MYH15: variants seen among roughly 807,000 people sequenced by gnomAD.
MYH15 encodes the protein myosin heavy chain 15, also known as myosin-15.
A neutral mutation model predicts 240.5 loss-of-function variants in MYH15; 227 were observed. That is an observed-to-expected ratio of 0.94 (90% CI 0.85 to 1.05). The LOEUF (loss-of-function observed/expected upper bound fraction) is 1.05, where lower values mean the gene tolerates loss of function less well. MYH15 is among the 50% of genes least tolerant of loss of function. The pLI is 0.00. For synonymous variants in MYH15, 785 were observed against 796.7 expected, an observed-to-expected ratio of 0.99 and a Z score of 0.25; for missense variants, 2,217 against 2,247.5, an observed-to-expected ratio of 0.99 and a Z score of 0.27.
At chr3:108,424,031 G>A (rs2082707153) in intron 27 of MYH15, among the ~76,000 whole-genome samples, 3 of 152,228 alleles carry the variant, frequency 2.0e-5, no homozygotes, top group Admixed American at 6.5e-5. Context: ...ATCCAGGTGT[G>A]AAAAATGGCA....
chr3:108,541,586 C>T, the MYH15 span, among the ~76,000 whole-genome samples: 2 of 151,948 alleles, frequency 1.3e-5, no homozygotes, highest in East Asian at 1.9e-4. Context: ...TTTGTTAACA[C>T]CATAATGGTT....
rs369192345 is a variant in MYH15, at chr3:108,396,945, T to C, written c.5133+1692A>G. ...AGTTCCTTGGGATTATCCTTCACCT[T>C]GAAGGAGTTTTGGTATCTCTGGACC... is the stretch of plus-strand genomic sequence containing the variant. On this transcript the variant is annotated intron_variant, in intron 35 of 40. Transcript: ENST00000693548. Among the ~76,000 whole-genome samples, 9 of 152,334 alleles carry C rather than the reference T, an allele frequency of 5.9e-5. No homozygotes were observed. In the East Asian group the frequency reaches 1.7e-3, roughly 29 times the overall value.
rs532300747 is a variant in MYH15 at position 108,522,881 on chromosome 3, T to A, written c.-58+6382A>T. ...ATAAAAGATGTTAGAATGTATTAGG[T>A]GATACAGGGAGGAAAAGAGGGCATC... On this transcript the variant is annotated intron_variant, in intron 1 of 41. Transcript: ENST00000273353. Among the ~76,000 whole-genome samples, 16 of 152,158 alleles carry A rather than the reference T, an allele frequency of 1.1e-4. 1 individual carries two copies. The highest frequency in any genetic ancestry group is 6.6e-4 in the Admixed American group (10 of 15,254).
Position 108,464,622 on chromosome 3 carries a change from T to C in MYH15, c.1731+16A>G. ...AGTCAGGAAAATTCAAGACCGGGGG[T>C]CCAGAGGTAACTCACCACTCCTGCA... is the stretch of plus-strand genomic sequence containing the variant. On this transcript the variant is annotated intron_variant, in intron 15 of 40. Transcript: ENST00000693548. The C allele has an allele frequency of 1.9e-6, 3 of 1,591,646 alleles. No individual in the cohort carries two copies. Among genetic ancestry groups the C allele is most frequent in the Non-Finnish European group, 2.6e-6 (3 of 1,170,748 alleles).
chr3:108,398,959 A>G, intron 34 of MYH15, 116 bp downstream of exon 34: 2 of 1,457,822 alleles, frequency 1.4e-6, no homozygotes, highest in Non-Finnish European at 1.9e-6. Context: ...TCTCTCTGGA[A>G]AGATTAGATT....
chr3:108,438,523 G>C (rs6799143), intron 24 of MYH15, among the ~76,000 whole-genome samples: 2 of 152,034 alleles, frequency 1.3e-5, no homozygotes, highest in African/African-American at 4.8e-5. Flanking sequence ...AAATTCATAC[G>C]CTGAAATCCT....
intron 38 of MYH15, among the ~76,000 whole-genome samples, chr3:108,387,952 C>T (rs982026310): frequency 4.1e-4 from 63 of 152,386 alleles, no homozygotes; most frequent in Middle Eastern, 6.8e-3. Flanking sequence ...TCTTTAACAA[C>T]TCAGCCTCAG....
Position 108,383,465 on chromosome 3 carries a change from C to G in MYH15, c.5766+130G>C, listed in dbSNP as rs866460200. ...CAAACATGGGAAGATTTTATTGGAA[C>G]CCTTTGTTCTTATCTTTTAAAAGCT... On this transcript the variant is annotated intron_variant, in intron 40 of 40. Coordinates refer to ENST00000693548, the MANE Select transcript of MYH15 (RefSeq NM_014981.3). 6 of 941,270 alleles carry G rather than the reference C, an allele frequency of 6.4e-6. No individual in the cohort carries two copies. The Middle Eastern group carries it at 1.3e-3, about 207-fold the overall frequency. The allele number at this position is 941,270 out of a possible 1,614,324, so 58.3% of individuals were successfully genotyped here.
At chr3:108,526,196 G>A (rs1166381405) in intron 1 of MYH15, among the ~76,000 whole-genome samples, 3 of 152,038 alleles carry the variant, frequency 2.0e-5, no homozygotes, top group Admixed American at 6.6e-5. Flanking sequence ...TCACCATGCA[G>A]CACTTTATTA....
the MYH15 span, among the ~76,000 whole-genome samples, chr3:108,542,401 C>T: frequency 0.019 from 2,914 of 152,122 alleles, 105 homozygotes; most frequent in African/African-American, 0.067. Context: ...TTTTTTGCTC[C>T]GCTCTTTCAT....
At chr3:108,413,612 T>A (rs1484813018) in intron 30 of MYH15, among the ~76,000 whole-genome samples, 2 of 152,184 alleles carry the variant, frequency 1.3e-5, no homozygotes, top group African/African-American at 4.8e-5. Context: ...GAGTCTCAAT[T>A]CAGCTGTGCC....
intron 2 of MYH15, among the ~76,000 whole-genome samples, chr3:108,504,459 G>A (rs1336302419): frequency 2.6e-5 from 4 of 152,104 alleles, no homozygotes; most frequent in Non-Finnish European, 4.4e-5. Context: ...GTTTATGAGT[G>A]GCTTCCAGAA....
chr3:108,452,966 TTAATAA>T (rs1363301243), intron 21 of MYH15, among the ~76,000 whole-genome samples: 1 of 151,996 alleles, frequency 6.6e-6, no homozygotes, highest in Non-Finnish European at 1.5e-5. Context: ...AAATAAGAAA[TTAATAA>T]TAATAATGTT....
intron 14 of MYH15, among the ~76,000 whole-genome samples, chr3:108,465,795 T>C (rs548460980): frequency 7.6e-4 from 115 of 152,022 alleles, no homozygotes; most frequent in African/African-American, 2.6e-3. Context: ...GGAATGGTGG[T>C]GTGTGCCTGT....
At chr3:108,462,439 A>G (rs2083079766) in intron 16 of MYH15, among the ~76,000 whole-genome samples, 1 of 151,906 alleles carries the variant, frequency 6.6e-6, no homozygotes, top group African/African-American at 2.4e-5. Flanking sequence ...TAACTTCTCT[A>G]TATTTGTTCC....
rs146773430 is a variant in MYH15 at position 108,506,180 on chromosome 3, C to T, written c.89-351G>A. 4.6e-3 allele frequency among the ~76,000 whole-genome samples: 696 copies of T among 152,128 alleles called. 5 individuals are homozygous for T. The highest frequency in any genetic ancestry group is 0.016 in the African/African-American group (664 of 41,516). ...CTGGTGCTTGCACCCCTTCCAGATT[C>T]CCTCCCCCGAGAAAACTCATTCAGA... On this transcript the variant is annotated intron_variant, in intron 1 of 40. Coordinates refer to ENST00000693548, the MANE Select transcript of MYH15 (RefSeq NM_014981.3).
intron 20 of MYH15, 119 bp downstream of exon 20, chr3:108,455,617 G>C: frequency 1.7e-6 from 2 of 1,144,730 alleles, no homozygotes; most frequent in Non-Finnish European, 2.5e-6. Flanking sequence ...ATCTGTTTGT[G>C]ATATTTATGG....
Position 108,381,158 on chromosome 3 carries a change from A to G in MYH15, c.*387T>C, listed in dbSNP as rs1188798943. ...AAGTTGCCTAACTTTAGTAAAAACCATTCACCAACATGCCCTAGTCCCCAT... is the reference window on the plus strand; with the variant it reads ...AAGTTGCCTAACTTTAGTAAAAACCGTTCACCAACATGCCCTAGTCCCCAT... On this transcript the variant is annotated 3_prime_UTR_variant, in exon 41 of 41. Coordinates refer to ENST00000693548, the MANE Select transcript of MYH15 (RefSeq NM_014981.3). The G allele has an allele frequency of 4.9e-6, 1 of 203,754 alleles. No homozygotes were observed. Among genetic ancestry groups the G allele is most frequent in the African/African-American group, 2.3e-5 (1 of 42,816 alleles). The allele number at this position is 203,754 out of a possible 1,614,324, so 12.6% of individuals were successfully genotyped here. A position where few individuals can be genotyped will look rare whatever the true frequency, so the allele number is the denominator to read the frequency against.
At chr3:108,451,162 G>A (rs549179981) in intron 21 of MYH15, among the ~76,000 whole-genome samples, 2 of 152,188 alleles carry the variant, frequency 1.3e-5, no homozygotes, top group Non-Finnish European at 2.9e-5. Flanking sequence ...GGCAGATCAC[G>A]TGAGGCCAAG....
Sources: allele counts gnomAD v4.1 joint callset (sites outside exome capture counted in the v4.1 genomes callset), GRCh38; gene constraint gnomAD v4.1.1; transcripts MANE v1.5; gene names NCBI Gene and HGNC (gene_info 2026-07-23, HGNC 2026-07-21).